The following AOPEP variants were observed in gnomAD, a reference collection of about 807,000 sequenced individuals.
The protein encoded by AOPEP is aminopeptidase O.
A neutral mutation model predicts 98.1 loss-of-function variants in AOPEP; 77 were observed. That is an observed-to-expected ratio of 0.78 (90% CI 0.65 to 0.95). The LOEUF is 0.95. Among genes scored for constraint, AOPEP ranks in the 40% least tolerant of loss-of-function variants. The pLI is 0.00. For missense variants in AOPEP, 1,024 were observed against 1,024.7 expected (o/e 1.00, Z 0.01); for synonymous variants, 346 against 365.3 (o/e 0.95, Z 0.60).
intron 5 of AOPEP, among the ~76,000 whole-genome samples, chr9:94,848,073 C>T (rs1040892356): frequency 1.3e-5 from 2 of 152,164 alleles, no homozygotes; most frequent in Non-Finnish European, 2.9e-5. Context: ...AAATGTGACA[C>T]TGCAGTTACT....
At chr9:94,759,540 C>T (rs769423787) in intron 1 of AOPEP, 109 bp from the exon 2 acceptor site, 13 of 463,784 alleles carry the variant, frequency 2.8e-5, no homozygotes, top group East Asian at 1.8e-4. Context: ...GAGCATCTAC[C>T]GCTTGGGGGA....
chr9:94,753,831 G>C (rs1327881346), intron 1 of AOPEP, among the ~76,000 whole-genome samples: 1 of 152,194 alleles, frequency 6.6e-6, no homozygotes, highest in African/African-American at 2.4e-5. Context: ...AGGCAAAACG[G>C]AATTTCTAGA....
At chr9:95,011,173 A>T in intron 13 of AOPEP, among the ~76,000 whole-genome samples, 1 of 149,288 alleles carries the variant, frequency 6.7e-6, no homozygotes, top group African/African-American at 2.5e-5. Flanking sequence ...TATCTGTTGT[A>T]TAGATTTACT....
chr9:95,123,335 T>C, the AOPEP span: 1 of 332,470 alleles, frequency 3.0e-6, no homozygotes, highest in African/African-American at 2.2e-5. Flanking sequence ...ATATATTTAT[T>C]GTTGCTTTAA....
chr9:94,794,122 TG>T (rs1846380795), intron 4 of AOPEP, among the ~76,000 whole-genome samples: 1 of 152,208 alleles, frequency 6.6e-6, no homozygotes, highest in South Asian at 2.1e-4. Context: ...TTTTGAAGTA[TG>T]AACCAGATAA....
At chr9:95,141,858 G>C in the AOPEP span, among the ~76,000 whole-genome samples, 1 of 152,006 alleles carries the variant, frequency 6.6e-6, no homozygotes, top group South Asian at 2.1e-4. Context: ...GCTTACATCT[G>C]GTTTTAGTTC....
At chr9:95,017,108 G>T (rs544149224) in intron 13 of AOPEP, among the ~76,000 whole-genome samples, 1 of 151,940 alleles carries the variant, frequency 6.6e-6, no homozygotes, top group Non-Finnish European at 1.5e-5. Flanking sequence ...AACAGGAATG[G>T]CAGAAAGAAT....
At chr9:94,853,940 G>A (rs1231324584) in intron 5 of AOPEP, among the ~76,000 whole-genome samples, 2 of 152,186 alleles carry the variant, frequency 1.3e-5, no homozygotes, top group Non-Finnish European at 2.9e-5. Context: ...GTGATGGGCA[G>A]ATTATCAATC....
intron 13 of AOPEP, among the ~76,000 whole-genome samples, chr9:95,017,034 G>T (rs964976565): frequency 6.6e-6 from 1 of 150,580 alleles, no homozygotes; most frequent in African/African-American, 2.4e-5. Flanking sequence ...ATAAAATGTG[G>T]CAATTTTCTA....
At chr9:95,138,447 C>A in the AOPEP span, among the ~76,000 whole-genome samples, 7 of 152,328 alleles carry the variant, frequency 4.6e-5, no homozygotes, top group East Asian at 9.7e-4. Flanking sequence ...AAGCAGAACA[C>A]CCCTGGGTGT....
chr9:94,928,395 ATGTGTGTC>A (rs975684800), intron 6 of AOPEP, 22 bp from the exon 7 acceptor site: 12 of 1,474,418 alleles, frequency 8.1e-6, no homozygotes, highest in Non-Finnish European at 1.0e-5. Context: ...TGTTTTGTGC[ATGTGTGTC>A]TGTGTGTCTG....
intron 13 of AOPEP, among the ~76,000 whole-genome samples, chr9:95,024,469 G>A (rs1237645400): frequency 2.0e-5 from 3 of 152,222 alleles, no homozygotes; most frequent in African/African-American, 7.2e-5. Context: ...AGAGTGACCA[G>A]GGATCTCCTA....
intron 5 of AOPEP, among the ~76,000 whole-genome samples, chr9:94,832,370 A>G (rs1856167632): frequency 6.6e-6 from 1 of 152,218 alleles, no homozygotes; most frequent in South Asian, 2.1e-4. Flanking sequence ...CTGAGATATC[A>G]TTTCTTACCT....
At chr9:95,117,295 C>G in the AOPEP span, 1 of 1,611,982 alleles carries the variant, frequency 6.2e-7, no homozygotes, top group South Asian at 1.1e-5. Context: ...CTGATGTGGG[C>G]AAAGTCAACC....
At chr9:95,005,763 C>T (rs957142304) in intron 13 of AOPEP, 147 bp downstream of exon 13, 9 of 671,146 alleles carry the variant, frequency 1.3e-5, no homozygotes, top group African/African-American at 9.1e-5. Context: ...GGAAATTCTA[C>T]AGAAATATTG....
At chr9:94,798,721 A>G (rs754760035) in intron 4 of AOPEP, among the ~76,000 whole-genome samples, 1 of 152,172 alleles carries the variant, frequency 6.6e-6, no homozygotes, top group African/African-American at 2.4e-5. Flanking sequence ...TATGAACTGA[A>G]ATTACTGTAG....
chr9:94,763,571 G>C (rs1588099959), intron 2 of AOPEP, among the ~76,000 whole-genome samples: 1 of 152,132 alleles, frequency 6.6e-6, no homozygotes, highest in Non-Finnish European at 1.5e-5. Flanking sequence ...CTAGCACCCA[G>C]ATCTTAGTTT....
chr9:94,782,042 A>T (rs1321626811), intron 3 of AOPEP, among the ~76,000 whole-genome samples: 2 of 151,344 alleles, frequency 1.3e-5, no homozygotes, highest in East Asian at 4.0e-4. Flanking sequence ...ATACAAAAAA[A>T]ATTAGCCGGG....
chr9:94,959,366 A>G (rs1027758584), intron 9 of AOPEP, among the ~76,000 whole-genome samples: 1 of 152,100 alleles, frequency 6.6e-6, no homozygotes, highest in African/African-American at 2.4e-5. Flanking sequence ...TTACAGTCCA[A>G]CTTAATTTTT....
Sources: allele counts gnomAD v4.1 joint callset (sites outside exome capture counted in the v4.1 genomes callset), GRCh38; gene constraint gnomAD v4.1.1; transcripts MANE v1.5; gene names NCBI Gene and HGNC (gene_info 2026-07-23, HGNC 2026-07-21).